Variants in NCAM1 observed in about 807,000 individuals in gnomAD.
NCAM1 encodes the protein neural cell adhesion molecule 1.
In NCAM1, 14 loss-of-function variants were observed where a neutral mutation model predicts 109.8. The observed-to-expected ratio is 0.13, with a 90% CI of 0.08 to 0.20. The LOEUF is 0.20. Ranked by LOEUF, NCAM1 falls within the 10% of genes least tolerant of loss-of-function variation. NCAM1 has a pLI of 1.00. For synonymous variants in NCAM1, 418 were observed against 442.9 expected (o/e 0.94, Z 0.70); for missense variants, 774 against 1,109.9 (o/e 0.70, Z 4.30).
At chr11:113,113,129 G>T (rs1484828384) in intron 1 of NCAM1, among the ~76,000 whole-genome samples, 8 of 152,066 alleles carry the variant, frequency 5.3e-5, no homozygotes, top group Non-Finnish European at 1.0e-4. Context: ...CCAAGACTCC[G>T]TCTCAAAAAA....
chr11:113,115,680 T>G (rs1335148177), intron 1 of NCAM1, among the ~76,000 whole-genome samples: 3 of 152,194 alleles, frequency 2.0e-5, no homozygotes, highest in African/African-American at 4.8e-5. Flanking sequence ...CTGTTACACA[T>G]GTATTCTTGG....
intron 7 of NCAM1, among the ~76,000 whole-genome samples, chr11:113,209,857 G>A (rs978853620): frequency 5.3e-5 from 8 of 152,230 alleles, no homozygotes; most frequent in Middle Eastern, 6.3e-3. Context: ...CCTGTGTGAT[G>A]TAAGTTAGAG....
chr11:113,190,668 C>T (rs1369293269), intron 1 of NCAM1, among the ~76,000 whole-genome samples: 1 of 152,190 alleles, frequency 6.6e-6, no homozygotes, highest in African/African-American at 2.4e-5. Flanking sequence ...AACGATGTCC[C>T]AGGGTATTCT....
chr11:113,216,374 G>C (rs1426676855), intron 8 of NCAM1, among the ~76,000 whole-genome samples: 1 of 151,718 alleles, frequency 6.6e-6, no homozygotes, highest in Non-Finnish European at 1.5e-5. Context: ...GGATGGTCTC[G>C]ATCTCCTGAC....
intron 3 of NCAM1, among the ~76,000 whole-genome samples, chr11:113,205,175 G>A (rs1944199487): frequency 6.6e-6 from 1 of 152,178 alleles, no homozygotes; most frequent in South Asian, 2.1e-4. Context: ...TATTCGTTGT[G>A]GAATGGATGT....
chr11:113,272,862 C>G (rs1043496104), intron 19 of NCAM1: 2 of 453,020 alleles, frequency 4.4e-6, no homozygotes, highest in Non-Finnish European at 4.4e-6. Flanking sequence ...TGGGCTTCAG[C>G]CCTCCTCCTC....
At position 113,137,449 on chromosome 11, in the gene NCAM1, G is replaced by A. The variant is rs142932709; in HGVS notation, c.53-64930G>A. Among the ~76,000 whole-genome samples the A allele has an allele frequency of 1.9e-3, 286 of 152,280 alleles. 2 individuals are homozygous for A. The highest frequency in any genetic ancestry group is 6.4e-3 in the African/African-American group (268 of 41,558). On this transcript the variant is annotated intron_variant, in intron 1 of 19. Transcript: ENST00000316851. ...GAAGGAAATCACATTATGTACAAAC[G>A]TTGTTAATTACTCATTAATCTGACA...
At chr11:113,226,896 C>A (rs1555116343) in intron 9 of NCAM1, among the ~76,000 whole-genome samples, 1 of 152,122 alleles carries the variant, frequency 6.6e-6, no homozygotes, top group African/African-American at 2.4e-5. Context: ...AACAAAGATA[C>A]AACATACCAG....
intron 14 of NCAM1, chr11:113,243,788 C>T: frequency 3.6e-6 from 1 of 275,340 alleles, no homozygotes. Context: ...AGGCAGAAAG[C>T]AGGTATGCAA....
At chr11:113,009,334 T>G (rs1555073947) in intron 1 of NCAM1, among the ~76,000 whole-genome samples, 2 of 141,294 alleles carry the variant, frequency 1.4e-5, no homozygotes, top group African/African-American at 5.3e-5. Context: ...TTTTTTTTTT[T>G]TTTTTTTATT....
chr11:113,199,760 G>A (rs1467504840), intron 1 of NCAM1, among the ~76,000 whole-genome samples: 1 of 135,292 alleles, frequency 7.4e-6, no homozygotes, highest in Non-Finnish European at 1.6e-5. Context: ...TTGTGCACAT[G>A]TACCCTAAAA....
chr11:113,218,267 AGCC>A (rs1213581506), intron 8 of NCAM1, among the ~76,000 whole-genome samples: 2 of 152,200 alleles, frequency 1.3e-5, no homozygotes, highest in African/African-American at 4.8e-5. Flanking sequence ...TCAAGTACAA[AGCC>A]CTTAGACTGC....
chr11:112,973,251 A>G (rs1218868823), intron 1 of NCAM1, among the ~76,000 whole-genome samples: 2 of 152,056 alleles, frequency 1.3e-5, no homozygotes, highest in Non-Finnish European at 1.5e-5. Flanking sequence ...TCGTTTAGTC[A>G]TTTTCAATTT....
At chr11:113,050,242 G>C (rs1400118205) in intron 1 of NCAM1, among the ~76,000 whole-genome samples, 1 of 152,172 alleles carries the variant, frequency 6.6e-6, no homozygotes, top group Non-Finnish European at 1.5e-5. Flanking sequence ...ACAGTACATA[G>C]GAGAATGTTG....
chr11:113,218,616 C>T (rs900939758), intron 8 of NCAM1, among the ~76,000 whole-genome samples: 2 of 152,206 alleles, frequency 1.3e-5, no homozygotes, highest in African/African-American at 2.4e-5. Flanking sequence ...GAATGTCACA[C>T]TCTACCTTTG....
chr11:112,976,375 AT>A (rs1172135261), intron 1 of NCAM1, among the ~76,000 whole-genome samples: 2 of 151,874 alleles, frequency 1.3e-5, no homozygotes, highest in Non-Finnish European at 2.9e-5. Context: ...AAATAAATCA[AT>A]TTTTTAATTA....
In NCAM1 at chr11:113,260,184, T is replaced by C. The variant is rs1591468010; in HGVS notation, c.1992T>C (p.Ser664=). The change falls in exon 17 of 20, where the codon TCT becomes TCC. Residue 664 remains serine, a synonymous_variant. Coordinates refer to ENST00000316851, the MANE Select transcript of NCAM1 (RefSeq NM_181351.5). ...GGAAACCAGAGATCAGGCTCCCGTC[T>C]GGCAGTGACCACGTCATGCTGAAGT... ...SEWKPEIRLP[S]GSDHVMLKSL... is the part of the protein sequence containing the mutation. The C allele has an allele frequency of 6.2e-7, 1 of 1,613,920 alleles. No individual in the cohort carries two copies. Among genetic ancestry groups the C allele is most frequent in the East Asian group, 2.2e-5 (1 of 44,876 alleles).
chr11:113,216,747 C>T (rs1944543911), intron 8 of NCAM1, among the ~76,000 whole-genome samples: 1 of 152,178 alleles, frequency 6.6e-6, no homozygotes, highest in Non-Finnish European at 1.5e-5. Context: ...ACCAGACTGA[C>T]ATATTTGCCT....
chr11:113,161,254 T>TA (rs1172890912), intron 1 of NCAM1, among the ~76,000 whole-genome samples: 2 of 152,218 alleles, frequency 1.3e-5, no homozygotes, highest in Non-Finnish European at 2.9e-5. Flanking sequence ...CTTTGTAGAT[T>TA]AAAAAAATCT....
Sources: gnomAD v4.1 joint callset for allele counts (sites outside exome capture counted in the v4.1 genomes callset) on GRCh38, gnomAD v4.1.1 for gene constraint, MANE v1.5 for transcripts, NCBI Gene and HGNC (gene_info 2026-07-23, HGNC 2026-07-21) for gene names.